TRIM50: variants seen among roughly 807,000 people sequenced by gnomAD.
TRIM50 encodes the protein E3 ubiquitin-protein ligase TRIM50.
Under a neutral mutation model 44.9 loss-of-function variants are expected in TRIM50, and 34 were observed. That is an observed-to-expected ratio of 0.76 (90% CI 0.58 to 1.01). TRIM50 has a LOEUF of 1.01. Ranked by LOEUF, TRIM50 falls within the 50% of genes least tolerant of loss-of-function variation. TRIM50 has a pLI of 0.00. For missense variants in TRIM50, 633 were observed against 663.7 expected (o/e 0.95, Z 0.51); for synonymous variants, 307 against 291.1 (o/e 1.05, Z -0.56).
At chr7:73,327,488 A>G (rs1242432307) in intron 1 of TRIM50, among the ~76,000 whole-genome samples, 1 of 152,128 alleles carries the variant, frequency 6.6e-6, no homozygotes, top group African/African-American at 2.4e-5. Flanking sequence ...CTGTCAATCA[A>G]TCAATCAATC....
chr7:73,316,767 C>G (rs1354141691), intron 5 of TRIM50, 78 bp from the exon 6 acceptor site: 1 of 1,567,204 alleles, frequency 6.4e-7, no homozygotes, highest in African/African-American at 1.3e-5. Flanking sequence ...TCTATGTTTG[C>G]CCAGCCAGAT....
intron 6 of TRIM50, among the ~76,000 whole-genome samples, chr7:73,315,420 G>A (rs1383310747): frequency 6.8e-6 from 1 of 147,808 alleles, no homozygotes; most frequent in African/African-American, 2.5e-5. Flanking sequence ...GTGCAGTGGT[G>A]CAATCATAGC....
chr7:73,324,915 G>C, intron 1 of TRIM50, 110 bp from the exon 2 acceptor site: 2 of 1,524,240 alleles, frequency 1.3e-6, no homozygotes, highest in Non-Finnish European at 1.8e-6. Flanking sequence ...GAAACACTTT[G>C]AGTCCTGGAT....
chr7:73,326,286 G>C (rs1804624108), intron 1 of TRIM50, among the ~76,000 whole-genome samples: 1 of 150,778 alleles, frequency 6.6e-6, no homozygotes, highest in Non-Finnish European at 1.5e-5. Context: ...TATTTTAGTA[G>C]AGACAGGGGT....
rs574242813 is a variant in TRIM50, at chr7:73,325,865, T to C, written c.-18-1060A>G. Among the ~76,000 whole-genome samples the C allele has an allele frequency of 7.9e-5, 11 of 139,012 alleles. 1 individual carries two copies. In the South Asian group the frequency reaches 2.9e-3, roughly 36 times the overall value. The allele number at this position is 139,012 out of a possible 152,430, so 91.2% of individuals were successfully genotyped here. A position where few individuals can be genotyped will look rare whatever the true frequency, so the allele number is the denominator to read the frequency against. Reference sequence around the variant, plus strand: ...CTTTCTGAATCTCAAACTCTTGCTCTTACTCTCCTTTTTTTGGGCGGGGGG... The same window carrying C: ...CTTTCTGAATCTCAAACTCTTGCTCCTACTCTCCTTTTTTTGGGCGGGGGG... On this transcript the variant is annotated intron_variant, in intron 1 of 6. Transcript: ENST00000333149.
rs78297984 is a variant in TRIM50 at position 73,314,449 on chromosome 7, G to T, written c.875-939C>A. 14 of 423,202 alleles carry T rather than the reference G, an allele frequency of 3.3e-5. No individual in the cohort carries two copies. In the East Asian group the frequency reaches 7.6e-4, roughly 23 times the overall value. 26.2% of individuals were successfully genotyped at this position (423,202 alleles called of 1,614,324 possible). A position where few individuals can be genotyped will look rare whatever the true frequency, so the allele number is the denominator to read the frequency against. On this transcript the variant is annotated intron_variant, in intron 6 of 6. Coordinates refer to ENST00000333149, the MANE Select transcript of TRIM50 (RefSeq NM_178125.3). The stretch of plus-strand genomic sequence containing the variant: ...AGCAAGAGAAGAAGCAGAGACTGTT[G>T]GCCCTGACTGAGAAGAAAGCTGCCA...
At chr7:73,323,247 C>T (rs13240602) in intron 2 of TRIM50, among the ~76,000 whole-genome samples, 4 of 152,218 alleles carry the variant, frequency 2.6e-5, no homozygotes, top group African/African-American at 9.6e-5. Context: ...CTCCAAATCC[C>T]TTCCCGGGTC....
Position 73,312,886 on chromosome 7 carries a change from G to T in TRIM50, c.*35C>A. 1 of 1,473,412 alleles carries T rather than the reference G, an allele frequency of 6.8e-7. No homozygotes were observed. The highest frequency in any genetic ancestry group is 9.0e-7 in the Non-Finnish European group (1 of 1,109,374). The allele number at this position is 1,473,412 out of a possible 1,614,324, so 91.3% of individuals were successfully genotyped here. On this transcript the variant is annotated 3_prime_UTR_variant, in exon 7 of 7. Coordinates refer to ENST00000333149, the MANE Select transcript of TRIM50 (RefSeq NM_178125.3). ...CCGCGAGTCCCCGGTGCCCCGCCGG[G>T]ATGGGCCTGTGGGCCGGCAGGACTC...
chr7:73,323,080 T>C (rs1804532755), intron 2 of TRIM50, among the ~76,000 whole-genome samples: 1 of 152,252 alleles, frequency 6.6e-6, no homozygotes, highest in Admixed American at 6.5e-5. Context: ...CCCCAGGCCT[T>C]TGTCCCAGTT....
intron 2 of TRIM50, 143 bp downstream of exon 2, chr7:73,324,246 C>A: frequency 2.0e-6 from 3 of 1,470,438 alleles, no homozygotes; most frequent in Non-Finnish European, 2.7e-6. Flanking sequence ...GCAGCTCAAA[C>A]GCTAAGGAAT....
intron 6 of TRIM50, among the ~76,000 whole-genome samples, chr7:73,315,791 T>G (rs1180918887): frequency 6.6e-6 from 1 of 152,214 alleles, no homozygotes; most frequent in African/African-American, 2.4e-5. Flanking sequence ...AGAACAAGAA[T>G]AGGTTGGTTC....
Position 73,313,509 on chromosome 7 carries a change from G to C in TRIM50, c.876C>G (p.Ala292=). The C allele has an allele frequency of 6.7e-7, 1 of 1,497,450 alleles. No homozygotes were observed. Among genetic ancestry groups the C allele is most frequent in the Non-Finnish European group, 8.9e-7 (1 of 1,124,516 alleles). 92.8% of individuals were successfully genotyped at this position (1,497,450 alleles called of 1,614,324 possible). A position where few individuals can be genotyped will look rare whatever the true frequency, so the allele number is the denominator to read the frequency against. Residue 292 remains alanine, a splice_region_variant and synonymous_variant, in exon 7 of 7, where the codon GCC becomes GCG. Transcript: ENST00000333149. The surrounding 1 kb of genome is among the most constrained non-coding windows in gnomAD (Gnocchi z 4.9). ...CAGGGTCCAACTTGAGAGGCTCCGG[G>C]GCTGGGAGGGAGATCACAGAGGGTC... The part of the protein sequence containing the change: ...WKRLFRKVLP[A]PEPLKLDPAT...
chr7:73,321,604 TG>T (rs1804497380), intron 2 of TRIM50, among the ~76,000 whole-genome samples: 1 of 152,142 alleles, frequency 6.6e-6, no homozygotes, highest in Admixed American at 6.6e-5. Context: ...GACCTAGCCT[TG>T]GGGGTGCCAA....
intron 2 of TRIM50, among the ~76,000 whole-genome samples, chr7:73,321,352 G>A (rs1197888261): frequency 6.6e-6 from 1 of 152,150 alleles, no homozygotes; most frequent in African/African-American, 2.4e-5. Context: ...GGTGAACTCT[G>A]TGGTCACCAG....
chr7:73,323,901 A>G (rs1242997918), intron 2 of TRIM50, among the ~76,000 whole-genome samples: 1 of 152,126 alleles, frequency 6.6e-6, no homozygotes, highest in Admixed American at 6.5e-5. Flanking sequence ...TGAGCTGGGC[A>G]TGGTGGTGTG....
At chr7:73,322,476 A>T (rs1224896553) in intron 2 of TRIM50, among the ~76,000 whole-genome samples, 1 of 152,154 alleles carries the variant, frequency 6.6e-6, no homozygotes, top group Non-Finnish European at 1.5e-5. Flanking sequence ...TAACTAATAA[A>T]ACATAAACTC....
In TRIM50 at chr7:73,327,891, G is replaced by C; in HGVS notation, c.-19+9C>G. Reference sequence around the variant, plus strand: ...GCCCCATCATTTCCCGCTCGCTCTCGTTACGTACCCAGCCTCCGGCCCCTG... The same window carrying C: ...GCCCCATCATTTCCCGCTCGCTCTCCTTACGTACCCAGCCTCCGGCCCCTG... On this transcript the variant is annotated intron_variant, in intron 1 of 6. Coordinates refer to ENST00000333149, the MANE Select transcript of TRIM50 (RefSeq NM_178125.3). 1 of 412,896 alleles carries C rather than the reference G, an allele frequency of 2.4e-6. No individual in the cohort carries two copies. The highest frequency in any genetic ancestry group is 4.5e-6 in the Non-Finnish European group (1 of 222,080). 25.6% of individuals were successfully genotyped at this position (412,896 alleles called of 1,614,324 possible). A position where few individuals can be genotyped will look rare whatever the true frequency, so the allele number is the denominator to read the frequency against.
intron 5 of TRIM50, 51 bp from the exon 6 acceptor site, chr7:73,316,740 C>G: frequency 6.3e-7 from 1 of 1,595,458 alleles, no homozygotes; most frequent in East Asian, 2.2e-5. Context: ...CGTGGCCCAC[C>G]CCACCCCTCC....
In TRIM50 at chr7:73,313,236, G is replaced by T. The variant is rs782146377; in HGVS notation, c.1149C>A (p.Gly383=). Residue 383 remains glycine, a synonymous_variant, in exon 7 of 7, where the codon GGC becomes GGA. Transcript: ENST00000333149. The surrounding 1 kb of genome is among the most constrained non-coding windows in gnomAD (Gnocchi z 4.9). The part of the protein sequence containing the change: ...KGKLNRSPEH[G]VWLIGLKEGR... Reference sequence around the variant, plus strand: ...CCTCCTTCAGGCCGATCAGCCACACGCCGTGCTCGGGGGACCTGTTCAGCT... The same window carrying T: ...CCTCCTTCAGGCCGATCAGCCACACTCCGTGCTCGGGGGACCTGTTCAGCT... 1.3e-6 allele frequency: 2 copies of T among 1,595,172 alleles called. No homozygotes were observed. Among genetic ancestry groups the T allele is most frequent in the East Asian group, 2.3e-5 (1 of 44,010 alleles).
Sources: gnomAD v4.1 joint callset for allele counts (sites outside exome capture counted in the v4.1 genomes callset) on GRCh38, gnomAD v4.1.1 for gene constraint, Gnocchi (gnomAD v3.1) non-coding constraint, MANE v1.5 for transcripts, NCBI Gene and HGNC (gene_info 2026-07-23, HGNC 2026-07-21) for gene names.